The following UBTD2 variants were observed in gnomAD, a reference collection of about 807,000 sequenced individuals.
The protein encoded by UBTD2 is ubiquitin domain-containing protein 2.
A neutral mutation model predicts 19.8 loss-of-function variants in UBTD2; 9 were observed. That is an observed-to-expected ratio of 0.46 (90% CI 0.27 to 0.79). The LOEUF (loss-of-function observed/expected upper bound fraction) is 0.79, where lower values mean the gene tolerates loss of function less well. UBTD2 is among the 30% of genes least tolerant of loss of function. The pLI is 0.14. For missense variants in UBTD2, 250 were observed against 300.4 expected (o/e 0.83, Z 1.24); for synonymous variants, 98 against 103.9 (o/e 0.94, Z 0.35).
intron 1 of UBTD2, among the ~76,000 whole-genome samples, chr5:172,243,520 C>T (rs1478544125): frequency 1.4e-5 from 2 of 146,560 alleles, no homozygotes; most frequent in East Asian, 4.2e-4. Flanking sequence ...GGCACCTTGA[C>T]TCAAACTTTC....
At chr5:172,279,592 T>C (rs1473415748) in intron 1 of UBTD2, among the ~76,000 whole-genome samples, 2 of 152,170 alleles carry the variant, frequency 1.3e-5, no homozygotes, top group African/African-American at 2.4e-5. Flanking sequence ...ACAAAATAAA[T>C]GACACACTCA....
chr5:172,265,442 C>A (rs1460441651), intron 1 of UBTD2, among the ~76,000 whole-genome samples: 1 of 152,156 alleles, frequency 6.6e-6, no homozygotes, highest in Non-Finnish European at 1.5e-5. Flanking sequence ...TCACGCCATT[C>A]TCCTGCCTCA....
intron 1 of UBTD2, among the ~76,000 whole-genome samples, chr5:172,280,528 A>AC (rs1176640407): frequency 3.3e-5 from 5 of 151,436 alleles, no homozygotes; most frequent in South Asian, 2.1e-4. Context: ...AAAAAAAAAA[A>AC]ACCAGCCTAA....
intron 1 of UBTD2, among the ~76,000 whole-genome samples, chr5:172,281,313 C>T (rs1371054305): frequency 1.3e-5 from 2 of 152,184 alleles, no homozygotes; most frequent in African/African-American, 2.4e-5. Flanking sequence ...ATTAAAAACA[C>T]GGCAAAACCC....
chr5:172,276,867 C>A (rs997647757), intron 1 of UBTD2, among the ~76,000 whole-genome samples: 25 of 151,888 alleles, frequency 1.6e-4, no homozygotes, highest in Non-Finnish European at 2.6e-4. Flanking sequence ...GTCAGGATTT[C>A]GACACCAGTC....
intron 2 of UBTD2, among the ~76,000 whole-genome samples, chr5:172,222,967 T>C (rs1771683647): frequency 6.6e-6 from 1 of 152,232 alleles, no homozygotes; most frequent in African/African-American, 2.4e-5. Flanking sequence ...CTGACTGTTT[T>C]ATCATCTACC....
chr5:172,267,772 T>C (rs1325862565), intron 1 of UBTD2, among the ~76,000 whole-genome samples: 1 of 152,164 alleles, frequency 6.6e-6, no homozygotes, highest in Non-Finnish European at 1.5e-5. Context: ...TATGTTAGTG[T>C]TCAATGTCAG....
chr5:172,224,237 C>T (rs1207016045), intron 2 of UBTD2, among the ~76,000 whole-genome samples: 2 of 145,290 alleles, frequency 1.4e-5, no homozygotes, highest in African/African-American at 2.5e-5. Flanking sequence ...ATCACAGGGG[C>T]GGCTTCCCCC....
intron 1 of UBTD2, among the ~76,000 whole-genome samples, chr5:172,281,326 C>T (rs530124887): frequency 6.6e-6 from 1 of 152,222 alleles, no homozygotes; most frequent in African/African-American, 2.4e-5. Flanking sequence ...CAAAACCCAC[C>T]TCTACTAAAA....
Position 172,283,579 on chromosome 5 carries a change from C to T in UBTD2, c.70+17G>A. 7.7e-7 allele frequency: 1 copy of T among 1,300,148 alleles called. No homozygotes were observed. The highest frequency in any genetic ancestry group is 1.5e-5 in the African/African-American group (1 of 65,352). The allele number at this position is 1,300,148 out of a possible 1,614,324, so 80.5% of individuals were successfully genotyped here. A position where few individuals can be genotyped will look rare whatever the true frequency, so the allele number is the denominator to read the frequency against. ...GGAACAATGGGGGGCCGAGGCTGCC[C>T]CCTGGCGCTCACCTACCTCCGGTGC... On this transcript the variant is annotated intron_variant, in intron 1 of 2. Transcript: ENST00000393792. This position sits in a 1 kb window ranked among gnomAD's most constrained non-coding sequence, Gnocchi z 4.3.
At chr5:172,242,921 TTTTA>T (rs1465420662) in intron 1 of UBTD2, among the ~76,000 whole-genome samples, 1 of 152,226 alleles carries the variant, frequency 6.6e-6, no homozygotes, top group Non-Finnish European at 1.5e-5. Context: ...ATTCATGAAC[TTTTA>T]TTTAGTCAAT....
At chr5:172,259,555 CTA>C (rs1291099594) in intron 1 of UBTD2, among the ~76,000 whole-genome samples, 1 of 151,876 alleles carries the variant, frequency 6.6e-6, no homozygotes, top group Non-Finnish European at 1.5e-5. Context: ...CATATATACT[CTA>C]TGTATATATG....
chr5:172,223,639 ACTG>A (rs1302588548), intron 2 of UBTD2, among the ~76,000 whole-genome samples: 1 of 145,980 alleles, frequency 6.9e-6, no homozygotes, highest in Non-Finnish European at 1.5e-5. Flanking sequence ...AGTGTTTACC[ACTG>A]CTAACCCTGT....
At chr5:172,254,544 T>C (rs1359407214) in intron 1 of UBTD2, 3 of 601,396 alleles carry the variant, frequency 5.0e-6, no homozygotes, top group Non-Finnish European at 6.0e-6. Context: ...CCATGTACAT[T>C]TGTAGGGTTT....
chr5:172,229,789 T>C (rs1397972720), intron 2 of UBTD2, among the ~76,000 whole-genome samples: 1 of 152,170 alleles, frequency 6.6e-6, no homozygotes, highest in East Asian at 1.9e-4. Flanking sequence ...CTGAATAGTA[T>C]ACTATTCACT....
chr5:172,214,603 A>G (rs1485888878), intron 2 of UBTD2, among the ~76,000 whole-genome samples: 1 of 152,206 alleles, frequency 6.6e-6, no homozygotes, highest in Non-Finnish European at 1.5e-5. Flanking sequence ...CTCCATGAAG[A>G]GTTACAGCTG....
chr5:172,215,585 T>G (rs1771525508), intron 2 of UBTD2, among the ~76,000 whole-genome samples: 1 of 152,210 alleles, frequency 6.6e-6, no homozygotes, highest in Non-Finnish European at 1.5e-5. Context: ...AAAAAACAGT[T>G]TTTTAGAGCA....
intron 1 of UBTD2, chr5:172,254,566 G>T (rs76977259): frequency 1.6e-6 from 1 of 630,238 alleles, no homozygotes; most frequent in Non-Finnish European, 2.8e-6. Context: ...TCTGTGTGTC[G>T]TCTTCTGTGT....
intron 1 of UBTD2, among the ~76,000 whole-genome samples, chr5:172,259,289 C>T (rs149968909): frequency 0.011 from 1,672 of 152,006 alleles, 14 homozygotes; most frequent in Non-Finnish European, 0.017. Context: ...ACTACAGGTA[C>T]CCACCACCAC....
Sources: allele counts gnomAD v4.1 joint callset (sites outside exome capture counted in the v4.1 genomes callset), GRCh38; gene constraint gnomAD v4.1.1; non-coding constraint Gnocchi (gnomAD v3.1); transcripts MANE v1.5; gene names NCBI Gene and HGNC (gene_info 2026-07-23, HGNC 2026-07-21).